Variants in SLC25A21 observed in about 807,000 individuals in gnomAD.
SLC25A21 encodes the protein mitochondrial 2-oxodicarboxylate carrier.
In SLC25A21, 47 loss-of-function variants were observed where a neutral mutation model predicts 43.8. The ratio of observed to expected loss-of-function variants is 1.07; its 90% CI spans 0.85 to 1.37. The LOEUF is 1.37. Among genes scored for constraint, SLC25A21 ranks in the 40% most tolerant of loss-of-function variants. SLC25A21 has a pLI of 0.00. For synonymous variants in SLC25A21, 131 were observed against 121.3 expected, an observed-to-expected ratio of 1.08 and a Z score of -0.52; for missense variants, 352 against 350.2, an observed-to-expected ratio of 1.00 and a Z score of -0.04.
intron 1 of SLC25A21, among the ~76,000 whole-genome samples, chr14:36,945,413 C>T (rs1367416700): frequency 6.6e-6 from 1 of 152,108 alleles, no homozygotes; most frequent in Non-Finnish European, 1.5e-5. Flanking sequence ...ATTTGTACCC[C>T]CACATTCACA....
intron 1 of SLC25A21, among the ~76,000 whole-genome samples, chr14:37,020,276 G>A (rs1960956013): frequency 6.6e-6 from 1 of 151,764 alleles, no homozygotes; most frequent in African/African-American, 2.4e-5. Flanking sequence ...TAGTAAGGTT[G>A]CTGATTTATA....
At chr14:36,952,643 C>T (rs1892841300) in intron 1 of SLC25A21, among the ~76,000 whole-genome samples, 3 of 152,138 alleles carry the variant, frequency 2.0e-5, no homozygotes, top group Non-Finnish European at 1.5e-5. Context: ...CCACCATTTT[C>T]CAGATCCTTG....
intron 3 of SLC25A21, among the ~76,000 whole-genome samples, chr14:36,753,510 C>G (rs114787873): frequency 6.6e-6 from 1 of 152,166 alleles, no homozygotes; most frequent in African/African-American, 2.4e-5. Flanking sequence ...CTTTAGCTTT[C>G]CTTTTCATGT....
Position 36,812,928 on chromosome 14 carries a change from T to C in SLC25A21, c.203+990A>G, listed in dbSNP as rs190245850. Reference sequence around the variant, plus strand: ...CTACATCATAAAGTTGTAAGAAGAATCCCTACTACATAATAGAAGCTAAAT... The same window carrying C: ...CTACATCATAAAGTTGTAAGAAGAACCCCTACTACATAATAGAAGCTAAAT... On this transcript the variant is annotated intron_variant, in intron 3 of 9. Coordinates refer to ENST00000331299, the MANE Select transcript of SLC25A21 (RefSeq NM_030631.4). Among the ~76,000 whole-genome samples, 13 of 152,290 alleles carry C rather than the reference T, an allele frequency of 8.5e-5. No individual in the cohort carries two copies. The East Asian group carries it at 2.3e-3, about 27-fold the overall frequency.
At chr14:37,036,712 G>A (rs916046939) in intron 1 of SLC25A21, among the ~76,000 whole-genome samples, 10 of 152,140 alleles carry the variant, frequency 6.6e-5, no homozygotes, top group African/African-American at 2.2e-4. Context: ...CCAAAATTTT[G>A]AAGTTCAATT....
intron 1 of SLC25A21, among the ~76,000 whole-genome samples, chr14:36,876,013 A>C (rs1232721540): frequency 6.6e-6 from 1 of 152,198 alleles, no homozygotes; most frequent in Admixed American, 6.5e-5. Context: ...CGAATGGACA[A>C]GGTAAGTATC....
intron 2 of SLC25A21, among the ~76,000 whole-genome samples, chr14:36,824,802 T>TAAAAAA (rs11386652): frequency 1.0e-5 from 1 of 99,578 alleles, no homozygotes; most frequent in Admixed American, 1.2e-4. Flanking sequence ...TCTGGAATCC[T>TAAAAAA]AAAAAAAAAA....
intron 1 of SLC25A21, among the ~76,000 whole-genome samples, chr14:36,904,524 CGTT>C (rs773753918): frequency 6.6e-6 from 1 of 152,132 alleles, no homozygotes; most frequent in Admixed American, 6.5e-5. Flanking sequence ...AATGTTCTCT[CGTT>C]GTATTAGTCT....
intron 1 of SLC25A21, among the ~76,000 whole-genome samples, chr14:37,005,043 T>C (rs1227163633): frequency 4.6e-5 from 7 of 151,342 alleles, no homozygotes; most frequent in East Asian, 3.9e-4. Context: ...AGCCGTCCAA[T>C]GGGAGGCAGG....
Position 36,821,420 on chromosome 14 carries a change from A to C in SLC25A21, c.120-7419T>G, listed in dbSNP as rs534570830. ...TTCCTTCTAACATTTCTCTATGTCC[A>C]TAGCTTTACTCTTCCAAGTTGAAGT... On this transcript the variant is annotated intron_variant, in intron 2 of 9. Transcript: ENST00000331299. Among the ~76,000 whole-genome samples the C allele has an allele frequency of 4.1e-4, 62 of 152,272 alleles. No homozygotes were observed. The South Asian group carries it at 0.01, about 25-fold the overall frequency.
intron 1 of SLC25A21, among the ~76,000 whole-genome samples, chr14:36,977,043 C>T (rs1204288349): frequency 6.6e-6 from 1 of 152,212 alleles, no homozygotes; most frequent in Non-Finnish European, 1.5e-5. Context: ...TGTGGACATG[C>T]AGAACAAAAC....
intron 7 of SLC25A21, among the ~76,000 whole-genome samples, chr14:36,699,514 A>G (rs541843328): frequency 1.3e-5 from 2 of 152,348 alleles, no homozygotes; most frequent in South Asian, 4.1e-4. Context: ...AGTCTGCAGA[A>G]GTTGTCTGCT....
chr14:36,926,786 A>G (rs1892144782), intron 1 of SLC25A21, among the ~76,000 whole-genome samples: 1 of 152,160 alleles, frequency 6.6e-6, no homozygotes, highest in African/African-American at 2.4e-5. Flanking sequence ...CTTGCCACCA[A>G]AACAATTCAT....
At chr14:36,780,189 G>A (rs577450464) in intron 3 of SLC25A21, among the ~76,000 whole-genome samples, 1 of 151,866 alleles carries the variant, frequency 6.6e-6, no homozygotes, top group South Asian at 2.1e-4. Flanking sequence ...CAGTTGTAAT[G>A]TCTTCTCTTT....
chr14:36,881,979 G>C (rs1304479636), intron 1 of SLC25A21, among the ~76,000 whole-genome samples: 1 of 152,220 alleles, frequency 6.6e-6, no homozygotes, highest in Non-Finnish European at 1.5e-5. Context: ...TGAGAACAGA[G>C]TATTCTAAAT....
intron 1 of SLC25A21, among the ~76,000 whole-genome samples, chr14:37,149,619 G>A (rs1047511712): frequency 6.6e-6 from 1 of 152,046 alleles, no homozygotes; most frequent in Admixed American, 6.5e-5. Context: ...CGCTTAAACC[G>A]GGAGGCAGAG....
chr14:37,080,495 G>A (rs116971149), intron 1 of SLC25A21, among the ~76,000 whole-genome samples: 3,171 of 152,256 alleles, frequency 0.021, 42 homozygotes, highest in Middle Eastern at 0.048. Flanking sequence ...TGCTACTCAG[G>A]AGGCTGAGGT....
chr14:36,950,056 T>A (rs972124330), intron 1 of SLC25A21, among the ~76,000 whole-genome samples: 3 of 152,194 alleles, frequency 2.0e-5, no homozygotes, highest in Non-Finnish European at 2.9e-5. Flanking sequence ...CCAAATCTAT[T>A]TAAATACTGT....
chr14:37,030,533 C>A lies in SLC25A21; in HGVS notation c.70+141748G>T, dbSNP rs1209725293. On this transcript the variant is annotated intron_variant, in intron 1 of 9. Coordinates refer to ENST00000331299, the MANE Select transcript of SLC25A21 (RefSeq NM_030631.4). ...CTGAATCTACACTGAAAAAGTCTTG[C>A]ACCATGTACATACTTTCCATTTTTT... 2.0e-5 allele frequency among the ~76,000 whole-genome samples: 3 copies of A among 152,302 alleles called. 1 individual carries two copies. Among genetic ancestry groups the A allele is most frequent in the South Asian group, 4.1e-4 (2 of 4,822 alleles).
Sources: allele counts gnomAD v4.1 joint callset (sites outside exome capture counted in the v4.1 genomes callset), GRCh38; gene constraint gnomAD v4.1.1; transcripts MANE v1.5; gene names NCBI Gene and HGNC (gene_info 2026-07-23, HGNC 2026-07-21).